Variants in CCDC126 observed in about 807,000 individuals in gnomAD.
The protein encoded by CCDC126 is coiled-coil domain-containing protein 126.
A neutral mutation model predicts 11.7 loss-of-function variants in CCDC126; 5 were observed. That is an observed-to-expected ratio of 0.43 (90% confidence interval 0.22 to 0.90). CCDC126 has a LOEUF of 0.90. CCDC126 is among the 40% of genes least tolerant of loss of function. The pLI, the probability that CCDC126 is intolerant of heterozygous loss-of-function variation, is 0.27. For missense variants in CCDC126, 150 were observed against 163.1 expected (o/e 0.92, Z 0.44); for synonymous variants, 60 against 61.9 (o/e 0.97, Z 0.14).
chr7:23,608,864 T>C (rs13239431), intron 2 of CCDC126, among the ~76,000 whole-genome samples: 27,866 of 152,192 alleles, frequency 0.18, 2,946 homozygotes, highest in Non-Finnish European at 0.25. Context: ...AACTCAGGGA[T>C]TGGGGTTTTT....
intron 3 of CCDC126, among the ~76,000 whole-genome samples, chr7:23,637,524 G>A (rs1312253795): frequency 3.0e-5 from 2 of 66,576 alleles, no homozygotes; most frequent in Non-Finnish European, 5.8e-5. Context: ...GTCCGGGAGG[G>A]AGGTGGGGGG....
intron 3 of CCDC126, among the ~76,000 whole-genome samples, chr7:23,629,673 CAATTA>C (rs1220114823): frequency 6.6e-6 from 1 of 151,090 alleles, no homozygotes; most frequent in Non-Finnish European, 1.5e-5. Context: ...GTGAAAAATA[CAATTA>C]AATTAACAAG....
In CCDC126 at chr7:23,613,028, T is replaced by C. The variant is rs79352580; in HGVS notation, c.238+1475T>C. Among the ~76,000 whole-genome samples the C allele has an allele frequency of 9.1e-3, 1,389 of 152,302 alleles. 25 individuals carry two copies. Among genetic ancestry groups the C allele is most frequent in the African/African-American group, 0.031 (1,297 of 41,568 alleles). On this transcript the variant is annotated intron_variant, in intron 3 of 3. Transcript: ENST00000307471. ...GTTTTGTTTGTTTAATTAAAAGTTATGGCTGGGCACAGTGGCTCACATCTG... is the reference window on the plus strand; with the variant it reads ...GTTTTGTTTGTTTAATTAAAAGTTACGGCTGGGCACAGTGGCTCACATCTG...
intron 3 of CCDC126, among the ~76,000 whole-genome samples, chr7:23,618,629 C>T (rs1174759378): frequency 1.3e-5 from 2 of 149,408 alleles, no homozygotes; most frequent in African/African-American, 5.0e-5. Context: ...TGGCTCACTG[C>T]AACATCCACC....
At chr7:23,618,192 C>A (rs1782826809) in intron 3 of CCDC126, among the ~76,000 whole-genome samples, 1 of 152,198 alleles carries the variant, frequency 6.6e-6, no homozygotes, top group African/African-American at 2.4e-5. Context: ...ACCTGAACTT[C>A]AATGTACAGT....
At chr7:23,604,071 C>G (rs965689868) in intron 2 of CCDC126, 3 of 152,118 alleles carry the variant, frequency 2.0e-5, no homozygotes, top group African/African-American at 4.8e-5. Flanking sequence ...GGTATTTTAC[C>G]TCGTCTCCTT....
At chr7:23,597,754 C>A (rs974467935) in intron 1 of CCDC126, 149 bp downstream of exon 1, 2 of 152,154 alleles carry the variant, frequency 1.3e-5, no homozygotes, top group Admixed American at 6.5e-5. Context: ...AGGAACGGGC[C>A]GGCAGCCTCC....
intron 3 of CCDC126, among the ~76,000 whole-genome samples, chr7:23,638,584 G>GCCTT (rs1256667595): frequency 8.1e-6 from 1 of 124,048 alleles, no homozygotes; most frequent in Non-Finnish European, 1.6e-5. Flanking sequence ...ACTGCGGAAG[G>GCCTT]CCGCAGGGTC....
At chr7:23,606,432 G>T (rs111521559) in intron 2 of CCDC126, among the ~76,000 whole-genome samples, 1 of 151,986 alleles carries the variant, frequency 6.6e-6, no homozygotes, top group Admixed American at 6.6e-5. Context: ...AAATGTCTTC[G>T]AATTATGAGT....
intron 3 of CCDC126, among the ~76,000 whole-genome samples, chr7:23,629,109 TCAGA>T (rs919041949): frequency 2.6e-5 from 4 of 152,318 alleles, no homozygotes; most frequent in East Asian, 3.9e-4. Context: ...CAGGAAGGTC[TCAGA>T]CTGAATGAAA....
At chr7:23,635,369 GC>G (rs1783191530) in intron 3 of CCDC126, among the ~76,000 whole-genome samples, 1 of 152,220 alleles carries the variant, frequency 6.6e-6, no homozygotes, top group Non-Finnish European at 1.5e-5. Context: ...GGTTCTTACT[GC>G]TAGCACCTTC....
At chr7:23,622,155 G>A (rs763865298) in intron 3 of CCDC126, among the ~76,000 whole-genome samples, 2 of 152,188 alleles carry the variant, frequency 1.3e-5, no homozygotes, top group Non-Finnish European at 2.9e-5. Flanking sequence ...CAGAAGGAAT[G>A]GTACCAGCTC....
At chr7:23,632,692 G>T (rs945044046) in intron 3 of CCDC126, among the ~76,000 whole-genome samples, 15 of 152,116 alleles carry the variant, frequency 9.9e-5, no homozygotes, top group Non-Finnish European at 2.1e-4. Flanking sequence ...TAAATCTACG[G>T]TTATCTCAAA....
intron 3 of CCDC126, among the ~76,000 whole-genome samples, chr7:23,617,348 CAAAAAAAAA>C (rs35391703): frequency 3.6e-4 from 13 of 36,242 alleles, no homozygotes; most frequent in African/African-American, 1.4e-3. Flanking sequence ...ATGCTGTCTC[CAAAAAAAAA>C]AAAAAAAAAA....
rs929008766 is a variant in CCDC126 at position 23,612,004 on chromosome 7, G to T, written c.238+451G>T. 2.0e-5 allele frequency among the ~76,000 whole-genome samples: 3 copies of T among 152,130 alleles called. No individual in the cohort carries two copies. The South Asian group carries it at 6.2e-4, about 32-fold the overall frequency. On this transcript the variant is annotated intron_variant, in intron 3 of 3. Transcript: ENST00000307471. ...TGAAAATACAAAAACAAATTAGCCA[G>T]ACATGGTGGCACGTGCTTGTAGTCC...
At chr7:23,623,011 TTGCCCAGGCTGGAG>T (rs1782947393) in intron 3 of CCDC126, among the ~76,000 whole-genome samples, 1 of 149,612 alleles carries the variant, frequency 6.7e-6, no homozygotes, top group Non-Finnish European at 1.5e-5. Context: ...TTTGCTCTTG[TTGCCCAGGCTGGAG>T]TGCAATGGCA....
At position 23,638,405 on chromosome 7, in the gene CCDC126, T is replaced by G. The variant is rs575358464; in HGVS notation, c.239-4526T>G. 6.9e-3 allele frequency among the ~76,000 whole-genome samples: 589 copies of G among 84,928 alleles called. 11 individuals carry two copies. Among genetic ancestry groups the G allele is most frequent in the African/African-American group, 0.031 (547 of 17,662 alleles). 55.7% of individuals were successfully genotyped at this position (84,928 alleles called of 152,430 possible). A position where few individuals can be genotyped will look rare whatever the true frequency, so the allele number is the denominator to read the frequency against. ...CTTCTGCCTTGGGATCCTGTTGATC[T>G]GTGACCTTATCTCCAACCCTGTGCT... On this transcript the variant is annotated intron_variant, in intron 3 of 3. Transcript: ENST00000307471.
At chr7:23,637,497 G>A (rs1457605240) in intron 3 of CCDC126, among the ~76,000 whole-genome samples, 3 of 81,238 alleles carry the variant, frequency 3.7e-5, no homozygotes, top group Admixed American at 1.3e-4. Flanking sequence ...TCAGCCCCCC[G>A]CCCGGCCAGC....
chr7:23,620,255 C>T (rs1315407934), intron 3 of CCDC126, among the ~76,000 whole-genome samples: 7 of 152,174 alleles, frequency 4.6e-5, no homozygotes, highest in Admixed American at 4.6e-4. Context: ...TGTTTCCTGA[C>T]TTTTTAATGA....
Sources: gnomAD v4.1 joint callset for allele counts (sites outside exome capture counted in the v4.1 genomes callset) on GRCh38, gnomAD v4.1.1 for gene constraint, MANE v1.5 for transcripts, NCBI Gene and HGNC (gene_info 2026-07-23, HGNC 2026-07-21) for gene names.